GARRE1: variants seen among roughly 807,000 people sequenced by gnomAD.
GARRE1 encodes the protein granule associated Rac and RHOG effector protein 1.
GARRE1 carries 49 observed loss-of-function variants against 103.2 expected under a neutral mutation model. The ratio of observed to expected loss-of-function variants is 0.47; its 90% CI spans 0.38 to 0.60. The LOEUF is 0.60. GARRE1 is among the 20% of genes least tolerant of loss of function. GARRE1 has a pLI of 0.00. For missense variants in GARRE1, 1,199 were observed against 1,370.5 expected, an observed-to-expected ratio of 0.87 and a Z score of 1.98; for synonymous variants, 505 against 532.8, an observed-to-expected ratio of 0.95 and a Z score of 0.72.
intron 10 of GARRE1, among the ~76,000 whole-genome samples, chr19:34,346,277 CTT>C (rs1013784028): frequency 1.7e-4 from 26 of 152,186 alleles, no homozygotes; most frequent in African/African-American, 6.3e-4. Context: ...TTTTTTGACA[CTT>C]TCTGTAAACG....
At position 34,347,630 on chromosome 19, in the gene GARRE1, C is replaced by A. The variant is rs923489656; in HGVS notation, c.2522-247C>A. On this transcript the variant is annotated intron_variant, in intron 10 of 13. Coordinates refer to ENST00000299505, the MANE Select transcript of GARRE1 (RefSeq NM_014686.5). ...TTTGTTTCTTTCACACTTAGCCTGC[C>A]TCTATCCTAGGCATAGCCCTTCATG... Among the ~76,000 whole-genome samples, 79 of 152,200 alleles carry A rather than the reference C, an allele frequency of 5.2e-4. 1 individual carries two copies. The highest frequency in any genetic ancestry group is 1.4e-3 in the African/African-American group (58 of 41,446).
chr19:34,264,685 A>G (rs1389610875), intron 1 of GARRE1, among the ~76,000 whole-genome samples: 1 of 152,218 alleles, frequency 6.6e-6, no homozygotes, highest in Non-Finnish European at 1.5e-5. Flanking sequence ...GGTGTGAGCC[A>G]CCACGCCCGG....
At chr19:34,273,721 C>T (rs961281535) in intron 1 of GARRE1, among the ~76,000 whole-genome samples, 1 of 152,046 alleles carries the variant, frequency 6.6e-6, no homozygotes, top group Non-Finnish European at 1.5e-5. Context: ...CAGAGGAACC[C>T]CTCGCTCAGT....
rs377009263 is a variant in GARRE1, at chr19:34,328,071, G to A, written c.1024G>A (p.Val342Ile). 21 of 1,614,160 alleles carry A rather than the reference G, an allele frequency of 1.3e-5. No homozygotes were observed. Among genetic ancestry groups the A allele is most frequent in the African/African-American group, 2.7e-5 (2 of 75,054 alleles). The change falls in exon 6 of 14, where the codon GTC becomes ATC. Residue 342 changes from valine (V) to isoleucine (I), a missense_variant. Physicochemically the swap from Val to Ile is conservative, Grantham distance 29 (BLOSUM62 3). Coordinates refer to ENST00000299505, the MANE Select transcript of GARRE1 (RefSeq NM_014686.5). ...PQPMQCELPT[V>I]PVQIGSHFLK... ...GCCCATGCAGTGTGAGCTCCCCACC[G>A]TCCCTGTGCAGATAGGATCGCACTT...
At chr19:34,350,987 T>C (rs1377049032) in intron 12 of GARRE1, among the ~76,000 whole-genome samples, 8 of 151,734 alleles carry the variant, frequency 5.3e-5, no homozygotes, top group Admixed American at 3.3e-4. Context: ...TCACCTGAGG[T>C]CAGGAGTTCG....
At chr19:34,302,760 T>TA (rs1178048553) in intron 2 of GARRE1, among the ~76,000 whole-genome samples, 2 of 140,416 alleles carry the variant, frequency 1.4e-5, no homozygotes, top group South Asian at 2.3e-4. Flanking sequence ...TTTTTTTTTT[T>TA]AAAAGACAGA....
At chr19:34,289,045 A>G (rs950922424) in intron 1 of GARRE1, among the ~76,000 whole-genome samples, 114 of 152,028 alleles carry the variant, frequency 7.5e-4, no homozygotes, top group Middle Eastern at 3.4e-3. Context: ...GAGGTAGGAG[A>G]ATTGCTTGAA....
rs550999047 is a variant in GARRE1 at position 34,352,849 on chromosome 19, C to A, written c.3107C>A (p.Thr1036Asn). The change falls in exon 14 of 14, where the codon ACC becomes AAC. Residue 1036 changes from threonine (T) to asparagine (N), a missense_variant. Coordinates refer to ENST00000299505, the MANE Select transcript of GARRE1 (RefSeq NM_014686.5). ...GCCGCTGCCTTCTCCTATGTGCAGA[C>A]CCCACCCCAGCCCCCACCCCCACCA... ...CSAAAFSYVQ[T>N]PPQPPPPPAH... 36 of 1,537,764 alleles carry A rather than the reference C, an allele frequency of 2.3e-5. No homozygotes were observed. The East Asian group carries it at 7.9e-4, about 34-fold the overall frequency.
chr19:34,269,438 GT>G (rs1385785716), intron 1 of GARRE1, among the ~76,000 whole-genome samples: 1 of 152,174 alleles, frequency 6.6e-6, no homozygotes, highest in African/African-American at 2.4e-5. Context: ...TTATTCAGTA[GT>G]TTTTTTCCTA....
chr19:34,299,825 T>TA lies in GARRE1; in HGVS notation c.-648dup, dbSNP rs1440440714. The TA allele has an allele frequency of 6.6e-6, 1 of 152,088 alleles. No homozygotes were observed. Among genetic ancestry groups the TA allele is most frequent in the East Asian group, 1.9e-4 (1 of 5,202 alleles). 9.4% of individuals were successfully genotyped at this position (152,088 alleles called of 1,614,324 possible). A position where few individuals can be genotyped will look rare whatever the true frequency, so the allele number is the denominator to read the frequency against. ...AACAAAAGGAATGGAGGAGGAGACT[T>TA]ACAACAAACGCCATTTAAAAAAAAA... On this transcript the variant is annotated 5_prime_UTR_variant, in exon 2 of 14. An upstream open reading frame in the 5' UTR loses its in-frame stop. Coordinates refer to ENST00000299505, the MANE Select transcript of GARRE1 (RefSeq NM_014686.5).
chr19:34,262,575 C>T (rs1041658530), intron 1 of GARRE1, among the ~76,000 whole-genome samples: 18 of 151,956 alleles, frequency 1.2e-4, no homozygotes, highest in Admixed American at 1.1e-3. Flanking sequence ...GGATTGTAGG[C>T]GTGAGTCACC....
intron 1 of GARRE1, chr19:34,296,672 T>C (rs2073949371): frequency 2.3e-6 from 2 of 883,834 alleles, no homozygotes; most frequent in Non-Finnish European, 3.7e-6. Context: ...GTGATCGGGG[T>C]TTCTTGATAG....
chr19:34,317,076 A>T (rs1405642822), intron 2 of GARRE1, among the ~76,000 whole-genome samples: 1 of 152,210 alleles, frequency 6.6e-6, no homozygotes, highest in African/African-American at 2.4e-5. Context: ...GCCTTCAGCC[A>T]TTCCTCAGAA....
At chr19:34,278,707 C>T (rs1008868263) in intron 1 of GARRE1, among the ~76,000 whole-genome samples, 2 of 151,882 alleles carry the variant, frequency 1.3e-5, no homozygotes, top group Non-Finnish European at 2.9e-5. Flanking sequence ...GACAGGGTCT[C>T]TGTCACCCAG....
At chr19:34,264,292 T>C (rs1361747368) in intron 1 of GARRE1, among the ~76,000 whole-genome samples, 1 of 152,168 alleles carries the variant, frequency 6.6e-6, no homozygotes, top group Admixed American at 6.6e-5. Context: ...AAAGGGACTT[T>C]TTCCATGTTG....
At chr19:34,259,638 C>T (rs538475728) in intron 1 of GARRE1, among the ~76,000 whole-genome samples, 19 of 151,936 alleles carry the variant, frequency 1.3e-4, no homozygotes, top group African/African-American at 3.9e-4. Flanking sequence ...GAACACAGTG[C>T]GTGGAAATGA....
At chr19:34,260,461 C>A in intron 1 of GARRE1, among the ~76,000 whole-genome samples, 1 of 152,082 alleles carries the variant, frequency 6.6e-6, no homozygotes, top group Non-Finnish European at 1.5e-5. Context: ...ATATCTTTTC[C>A]TGATAATTTT....
At chr19:34,314,625 G>GCATTTGGT (rs1460889294) in intron 2 of GARRE1, among the ~76,000 whole-genome samples, 1 of 152,188 alleles carries the variant, frequency 6.6e-6, no homozygotes, top group Non-Finnish European at 1.5e-5. Context: ...TGAATTATTA[G>GCATTTGGT]CATTTGGTGT....
At chr19:34,334,554 C>G (rs902273707) in intron 8 of GARRE1, among the ~76,000 whole-genome samples, 1 of 151,830 alleles carries the variant, frequency 6.6e-6, no homozygotes, top group Non-Finnish European at 1.5e-5. Flanking sequence ...CAAAAACTAT[C>G]CAGGCATGGT....
Sources: gnomAD v4.1 joint callset for allele counts (sites outside exome capture counted in the v4.1 genomes callset) on GRCh38, gnomAD v4.1.1 for gene constraint, MANE v1.5 for transcripts, NCBI Gene and HGNC (gene_info 2026-07-23, HGNC 2026-07-21) for gene names.